The following DLGAP2 variants were observed in gnomAD, a reference collection of about 807,000 sequenced individuals.
DLGAP2 encodes the protein disks large-associated protein 2.
A neutral mutation model predicts 100.3 loss-of-function variants in DLGAP2; 26 were observed. The observed-to-expected ratio is 0.26, with a 90% confidence interval of 0.19 to 0.36. The LOEUF is 0.36. DLGAP2 is among the 10% of genes least tolerant of loss of function. The pLI is 1.00. For synonymous variants in DLGAP2, 886 were observed against 630.1 expected, an observed-to-expected ratio of 1.41 and a Z score of -6.08; for missense variants, 1,858 against 1,453.2, an observed-to-expected ratio of 1.28 and a Z score of -4.53.
intron 2 of DLGAP2, among the ~76,000 whole-genome samples, chr8:1,199,700 C>T (rs568024987): frequency 9.2e-5 from 14 of 152,256 alleles, no homozygotes; most frequent in Non-Finnish European, 1.6e-4. Context: ...TGGGTATTTG[C>T]ACTCGGTGGC....
chr8:1,594,314 A>C (rs1481091796), intron 6 of DLGAP2, among the ~76,000 whole-genome samples: 1 of 152,190 alleles, frequency 6.6e-6, no homozygotes, highest in Non-Finnish European at 1.5e-5. Flanking sequence ...AATTCAAAAC[A>C]AGGGATATGA....
At chr8:1,264,921 T>C (rs1244964019) in intron 3 of DLGAP2, among the ~76,000 whole-genome samples, 1 of 152,164 alleles carries the variant, frequency 6.6e-6, no homozygotes. Flanking sequence ...GATGGTTTCA[T>C]AAAGGGCAGT....
chr8:918,569 G>C (rs1378785431), intron 2 of DLGAP2, among the ~76,000 whole-genome samples: 4 of 152,198 alleles, frequency 2.6e-5, no homozygotes, highest in Admixed American at 2.6e-4. Flanking sequence ...GGTGTACTTG[G>C]TGTTCACCGC....
At chr8:1,067,350 C>G (rs890403044) in intron 2 of DLGAP2, among the ~76,000 whole-genome samples, 1 of 152,180 alleles carries the variant, frequency 6.6e-6, no homozygotes, top group Non-Finnish European at 1.5e-5. Context: ...TTGGTGTTCC[C>G]GCTGTGGTGC....
intron 2 of DLGAP2, among the ~76,000 whole-genome samples, chr8:1,191,378 G>A (rs371349064): frequency 9.2e-5 from 14 of 152,212 alleles, no homozygotes; most frequent in Middle Eastern, 3.4e-3. Flanking sequence ...CACCGTGTTA[G>A]CCAGGATGGT....
chr8:1,562,808 A>G (rs28491650), intron 5 of DLGAP2, among the ~76,000 whole-genome samples: 7 of 5,508 alleles, frequency 1.3e-3, no homozygotes, highest in Admixed American at 8.3e-3. Context: ...GCGCCTCGTT[A>G]CTGGGGGGCT....
At chr8:1,005,390 A>G (rs1249762812) in intron 2 of DLGAP2, among the ~76,000 whole-genome samples, 1 of 150,182 alleles carries the variant, frequency 6.7e-6, no homozygotes, top group African/African-American at 2.4e-5. Context: ...TCCTGTATTC[A>G]AAACAACTCC....
chr8:792,378 C>G (rs562935574), intron 1 of DLGAP2, among the ~76,000 whole-genome samples: 1 of 152,078 alleles, frequency 6.6e-6, no homozygotes, highest in East Asian at 1.9e-4. Context: ...ATTTATACTC[C>G]TAGTTTTTGT....
At chr8:1,078,762 A>G (rs1447451882) in intron 2 of DLGAP2, among the ~76,000 whole-genome samples, 2 of 152,176 alleles carry the variant, frequency 1.3e-5, no homozygotes, top group East Asian at 3.9e-4. Flanking sequence ...AGCCCTGAAT[A>G]ACATTCCATT....
At chr8:1,328,896 TC>T (rs1211828101) in intron 3 of DLGAP2, among the ~76,000 whole-genome samples, 12 of 152,196 alleles carry the variant, frequency 7.9e-5, no homozygotes, top group African/African-American at 2.9e-4. Flanking sequence ...GTAGAAGCTT[TC>T]AGGAAATGGC....
intron 1 of DLGAP2, among the ~76,000 whole-genome samples, chr8:786,141 G>A (rs920805932): frequency 1.3e-5 from 2 of 152,194 alleles, no homozygotes; most frequent in Non-Finnish European, 2.9e-5. Context: ...CTGGGCCGGC[G>A]CAGGGGCAGG....
At chr8:985,672 T>C (rs1235319324) in intron 2 of DLGAP2, among the ~76,000 whole-genome samples, 1 of 152,230 alleles carries the variant, frequency 6.6e-6, no homozygotes, top group African/African-American at 2.4e-5. Context: ...GCAGAACATC[T>C]GGTAATGGCA....
intron 2 of DLGAP2, among the ~76,000 whole-genome samples, chr8:1,213,408 G>T (rs1220154197): frequency 6.6e-6 from 1 of 152,012 alleles, no homozygotes; most frequent in Non-Finnish European, 1.5e-5. Context: ...TTAATTTATG[G>T]CAATAAATAT....
chr8:1,133,990 C>T (rs1159450790), intron 2 of DLGAP2, among the ~76,000 whole-genome samples: 4 of 151,912 alleles, frequency 2.6e-5, no homozygotes, highest in African/African-American at 9.7e-5. Flanking sequence ...TACTCCTCCC[C>T]CTCCTCCCCC....
At chr8:1,586,087 G>A (rs1796109714) in intron 6 of DLGAP2, among the ~76,000 whole-genome samples, 1 of 152,202 alleles carries the variant, frequency 6.6e-6, no homozygotes, top group Non-Finnish European at 1.5e-5. Context: ...CTTAAAACAG[G>A]GCGTTTATCC....
Position 1,084,127 on chromosome 8 carries a change from T to A in DLGAP2, c.74-174724T>A, listed in dbSNP as rs113809714. On this transcript the variant is annotated intron_variant, in intron 2 of 14. Coordinates refer to ENST00000637795, the MANE Select transcript of DLGAP2 (RefSeq NM_001346810.2). The stretch of plus-strand genomic sequence containing the variant: ...ATTATATATTTTAAAGCATTTAAAT[T>A]TATTTTGTTTAATATCAGTAAGTCT... Among the ~76,000 whole-genome samples the A allele has an allele frequency of 1.4e-4, 22 of 152,330 alleles. 1 individual carries two copies. Among genetic ancestry groups the A allele is most frequent in the African/African-American group, 5.3e-4 (22 of 41,574 alleles).
chr8:884,163 G>T (rs1797875735), intron 1 of DLGAP2, among the ~76,000 whole-genome samples: 1 of 152,178 alleles, frequency 6.6e-6, no homozygotes, highest in Non-Finnish European at 1.5e-5. Flanking sequence ...CCCAGTAATG[G>T]GATTGCTGGG....
intron 9 of DLGAP2, 43 bp from the exon 10 acceptor site, chr8:1,669,700 T>C: frequency 1.3e-6 from 1 of 780,764 alleles, no homozygotes; most frequent in East Asian, 2.4e-5. Flanking sequence ...GTCCAGGGCC[T>C]CCGAACCAGG....
intron 3 of DLGAP2, among the ~76,000 whole-genome samples, chr8:1,279,051 G>C (rs948179719): frequency 1.3e-5 from 2 of 152,264 alleles, no homozygotes; most frequent in Middle Eastern, 3.4e-3. Flanking sequence ...CTCACCCCAG[G>C]GGGTGTGCTT....
Sources: allele counts gnomAD v4.1 joint callset (sites outside exome capture counted in the v4.1 genomes callset), GRCh38; gene constraint gnomAD v4.1.1; transcripts MANE v1.5; gene names NCBI Gene and HGNC (gene_info 2026-07-23, HGNC 2026-07-21).